COG6: variants seen among roughly 807,000 people sequenced by gnomAD.
The protein encoded by COG6 is conserved oligomeric Golgi complex subunit 6.
COG6 carries 74 observed loss-of-function variants against 88.8 expected under a neutral mutation model. The ratio of observed to expected loss-of-function variants is 0.83; its 90% confidence interval spans 0.69 to 1.01. The LOEUF (loss-of-function observed/expected upper bound fraction) is 1.01. Among genes scored for constraint, COG6 ranks in the 50% least tolerant of loss-of-function variants. The pLI, the probability that COG6 is intolerant of heterozygous loss-of-function variation, is 0.00. For synonymous variants in COG6, 286 were observed against 278.7 expected, an observed-to-expected ratio of 1.03 and a Z score of -0.26; for missense variants, 800 against 797.9, an observed-to-expected ratio of 1.00 and a Z score of -0.03.
At chr13:39,696,090 G>GT (rs201992855) in intron 12 of COG6, among the ~76,000 whole-genome samples, 2,301 of 151,928 alleles carry the variant, frequency 0.015, 48 homozygotes, top group African/African-American at 0.053. Flanking sequence ...ATGATAATAG[G>GT]TTTTTTTAGG....
At chr13:39,699,437 C>G in intron 12 of COG6, 64 bp from the exon 13 acceptor site, 2 of 789,570 alleles carry the variant, frequency 2.5e-6, no homozygotes, top group Non-Finnish European at 4.6e-6. Flanking sequence ...AAGCATTCTA[C>G]TCAGTTAAGG....
At chr13:39,713,720 A>G (rs556110083) in intron 13 of COG6, among the ~76,000 whole-genome samples, 21 of 152,276 alleles carry the variant, frequency 1.4e-4, no homozygotes, top group African/African-American at 4.8e-4. Flanking sequence ...TAGGCAACAG[A>G]GTGAGACTCC....
intron 13 of COG6, among the ~76,000 whole-genome samples, chr13:39,706,575 A>G (rs1300399795): frequency 6.6e-6 from 1 of 151,696 alleles, no homozygotes; most frequent in African/African-American, 2.4e-5. Flanking sequence ...AATAGTCACA[A>G]GAACAATGAG....
chr13:39,789,311 A>G (rs147829421), exon 19 of COG6: 5 of 152,350 alleles, frequency 3.3e-5, no homozygotes, highest in Non-Finnish European at 7.3e-5. Context: ...TTATAATCCA[A>G]TCCTTAGTTA....
At chr13:39,783,524 T>C (rs771938332) in intron 18 of COG6, among the ~76,000 whole-genome samples, 41 of 152,226 alleles carry the variant, frequency 2.7e-4, no homozygotes, top group Non-Finnish European at 4.3e-4. Flanking sequence ...GTTAAATTCT[T>C]AGAGTCAAGC....
In COG6 at chr13:39,719,832, A is replaced by C; in HGVS notation, c.1584+5A>C. 1.2e-6 allele frequency: 2 copies of C among 1,603,938 alleles called. No homozygotes were observed. Among genetic ancestry groups the C allele is most frequent in the Middle Eastern group, 3.3e-4 (2 of 6,036 alleles). ...CTGGAAATGCTACAGTTTCAGGTAA[A>C]TTTTTCTATAAAATGACTATTGACT... On this transcript the variant is annotated splice_donor_5th_base_variant and intron_variant, in intron 15 of 18. Transcript: ENST00000455146.
At chr13:39,744,555 G>A (rs921028376) in intron 18 of COG6, among the ~76,000 whole-genome samples, 8 of 152,160 alleles carry the variant, frequency 5.3e-5, no homozygotes, top group African/African-American at 1.4e-4. Context: ...CAAGGGATGT[G>A]AAGGACCTCT....
intron 18 of COG6, among the ~76,000 whole-genome samples, chr13:39,770,278 A>G (rs1376735121): frequency 6.6e-6 from 1 of 152,208 alleles, no homozygotes; most frequent in African/African-American, 2.4e-5. Context: ...TGCCACACAA[A>G]GACTCCCTCA....
chr13:39,678,055 A>G (rs781441567), intron 5 of COG6: 5 of 449,334 alleles, frequency 1.1e-5, no homozygotes, highest in South Asian at 7.8e-5. Context: ...CAGTTAGACC[A>G]CATTTTCTAT....
chr13:39,789,314 CTTAG>C (rs1338248522), exon 19 of COG6: 2 of 152,166 alleles, frequency 1.3e-5, no homozygotes, highest in African/African-American at 2.4e-5. Context: ...TAATCCAATC[CTTAG>C]TTAATGGATA....
At chr13:39,710,577 G>T (rs1325103170) in intron 13 of COG6, among the ~76,000 whole-genome samples, 1 of 152,028 alleles carries the variant, frequency 6.6e-6, no homozygotes, top group Non-Finnish European at 1.5e-5. Flanking sequence ...TGGATCATTT[G>T]CATTTGGAAT....
chr13:39,727,869 T>C (rs929115491), intron 18 of COG6, among the ~76,000 whole-genome samples: 3 of 152,148 alleles, frequency 2.0e-5, no homozygotes, highest in African/African-American at 4.8e-5. Flanking sequence ...GAATATGTTA[T>C]GGAAAATCAA....
chr13:39,730,801 A>G (rs12869089), intron 18 of COG6, among the ~76,000 whole-genome samples: 8 of 131,234 alleles, frequency 6.1e-5, no homozygotes, highest in Non-Finnish European at 1.1e-4. Flanking sequence ...AAAAAAAAAG[A>G]TTTAACATTA....
intron 18 of COG6, among the ~76,000 whole-genome samples, chr13:39,749,707 T>C (rs918861657): frequency 9.2e-5 from 14 of 151,870 alleles, no homozygotes; most frequent in Admixed American, 2.0e-4. Context: ...TCTAGGAAAA[T>C]GAAGTAGGAG....
intron 17 of COG6, among the ~76,000 whole-genome samples, chr13:39,724,827 T>C (rs780019525): frequency 1.8e-4 from 28 of 151,962 alleles, no homozygotes; most frequent in Non-Finnish European, 3.1e-4. Context: ...TTTAGAGTTT[T>C]GTTCCTAATT....
At chr13:39,715,225 G>T (rs964066567) in intron 13 of COG6, among the ~76,000 whole-genome samples, 1 of 150,560 alleles carries the variant, frequency 6.6e-6, no homozygotes, top group East Asian at 2.0e-4. Context: ...AATTTTTAAA[G>T]ATTTATTGCT....
At chr13:39,788,684 T>C in exon 19 of COG6, 1 of 282,400 alleles carries the variant, frequency 3.5e-6, no homozygotes, top group Non-Finnish European at 6.7e-6. Context: ...TTGTGTTGGC[T>C]ATTATCACTA....
At chr13:39,790,250 A>G (rs564898629) in exon 19 of COG6, 2 of 152,300 alleles carry the variant, frequency 1.3e-5, no homozygotes, top group Admixed American at 1.3e-4. Context: ...CAATTCCCTC[A>G]TGCACTAAGT....
rs375520073 is a variant in COG6, at chr13:39,660,823, T to C, written c.311T>C (p.Ile104Thr). 2.5e-6 allele frequency: 4 copies of C among 1,608,100 alleles called. No homozygotes were observed. The highest frequency in any genetic ancestry group is 1.3e-5 in the African/African-American group (1 of 74,812). ...TCTTCTTTTCAGGAACTTGAAAGCA[T>C]AAGCGAAGATGTTCAAGCAATGAGC... ...FKEVKEELESISEDVQAMSNC... is the reference protein window; with the variant it reads ...FKEVKEELESTSEDVQAMSNC... Residue 104 changes from isoleucine to threonine, a missense_variant, in exon 3 of 19, where the codon ATA becomes ACA. Physicochemically the swap from Ile to Thr is moderately conservative, Grantham distance 89. Coordinates refer to ENST00000455146, the MANE Select transcript of COG6 (RefSeq NM_020751.3).
Sources: allele counts gnomAD v4.1 joint callset (sites outside exome capture counted in the v4.1 genomes callset), GRCh38; gene constraint gnomAD v4.1.1; transcripts MANE v1.5; gene names NCBI Gene and HGNC (gene_info 2026-07-23, HGNC 2026-07-21).